PIK3C2G: variants seen among roughly 807,000 people sequenced by gnomAD.
PIK3C2G encodes the protein phosphatidylinositol-4-phosphate 3-kinase catalytic subunit type 2 gamma, also known as phosphatidylinositol 3-kinase C2 domain-containing subunit gamma.
In PIK3C2G, 168 loss-of-function variants were observed where a neutral mutation model predicts 181.1. That is an observed-to-expected ratio of 0.93 (90% confidence interval 0.82 to 1.05). PIK3C2G has a LOEUF of 1.05. Ranked by LOEUF, PIK3C2G falls within the 50% of genes least tolerant of loss-of-function variation. PIK3C2G has a pLI of 0.00. For missense variants in PIK3C2G, 1,869 were observed against 1,732.8 expected (o/e 1.08, Z -1.40); for synonymous variants, 573 against 592.2 (o/e 0.97, Z 0.47).
At chr12:18,434,177 C>T (rs1466158931) in intron 18 of PIK3C2G, among the ~76,000 whole-genome samples, 2 of 152,104 alleles carry the variant, frequency 1.3e-5, no homozygotes, top group African/African-American at 4.8e-5. Context: ...ACTGTTGTTC[C>T]TCATGTTGTA....
chr12:18,420,353 T>C, intron 16 of PIK3C2G, among the ~76,000 whole-genome samples: 1 of 152,112 alleles, frequency 6.6e-6, no homozygotes, highest in East Asian at 1.9e-4. Context: ...AAACATTTAT[T>C]AAGTGCCTAA....
chr12:18,700,042 G>A, the PIK3C2G span: 1 of 1,050,534 alleles, frequency 9.5e-7, no homozygotes, highest in Non-Finnish European at 1.4e-6. Context: ...TCAAACAAAT[G>A]ATTTTCATCT....
intron 16 of PIK3C2G, among the ~76,000 whole-genome samples, chr12:18,408,513 T>C (rs1157538554): frequency 6.6e-6 from 1 of 152,150 alleles, no homozygotes; most frequent in Non-Finnish European, 1.5e-5. Flanking sequence ...TCCAGCTTTG[T>C]TCTTTTTGCT....
At chr12:18,308,238 CA>C (rs554581603) in intron 5 of PIK3C2G, among the ~76,000 whole-genome samples, 142 of 151,894 alleles carry the variant, frequency 9.3e-4, no homozygotes, top group African/African-American at 3.4e-3. Flanking sequence ...CTTTAAAAAA[CA>C]GCAGAGATTT....
chr12:18,565,901 A>G (rs1431000371), intron 28 of PIK3C2G, among the ~76,000 whole-genome samples: 1 of 152,132 alleles, frequency 6.6e-6, no homozygotes, highest in African/African-American at 2.4e-5. Flanking sequence ...ATTTCTCCCA[A>G]AAAAACTATG....
intron 11 of PIK3C2G, among the ~76,000 whole-genome samples, chr12:18,359,872 T>A (rs545335163): frequency 1.6e-3 from 240 of 152,266 alleles, no homozygotes; most frequent in African/African-American, 5.7e-3. Context: ...GTAAGTAGCA[T>A]CTAGTTGGAT....
intron 11 of PIK3C2G, among the ~76,000 whole-genome samples, chr12:18,361,044 T>G (rs1941193278): frequency 1.3e-5 from 2 of 152,156 alleles, no homozygotes. Context: ...GTGCCCATTA[T>G]TCTCTTTGGC....
chr12:18,662,974 C>CAAA, the PIK3C2G span, among the ~76,000 whole-genome samples: 3 of 151,604 alleles, frequency 2.0e-5, no homozygotes, highest in African/African-American at 7.3e-5. Context: ...CATGTAGAAA[C>CAAA]CAAATAGAAA....
At chr12:18,422,062 CAGG>C (rs1241077568) in intron 17 of PIK3C2G, among the ~76,000 whole-genome samples, 2 of 152,042 alleles carry the variant, frequency 1.3e-5, no homozygotes, top group Non-Finnish European at 2.9e-5. Flanking sequence ...GAGCCCAATT[CAGG>C]AGAATACGTT....
At chr12:18,394,749 T>A (rs189573290) in intron 15 of PIK3C2G, among the ~76,000 whole-genome samples, 1 of 151,894 alleles carries the variant, frequency 6.6e-6, no homozygotes, top group East Asian at 1.9e-4. Context: ...TTATCCCCCA[T>A]GTTGAGGTAC....
chr12:18,445,017 A>G (rs1946949125), intron 18 of PIK3C2G, among the ~76,000 whole-genome samples: 2 of 152,136 alleles, frequency 1.3e-5, no homozygotes, highest in Admixed American at 1.3e-4. Flanking sequence ...TAGTTTTTCA[A>G]AAAATTTTAA....
the PIK3C2G span, among the ~76,000 whole-genome samples, chr12:18,665,076 G>A: frequency 1.3e-5 from 2 of 150,900 alleles, no homozygotes; most frequent in Non-Finnish European, 2.9e-5. Flanking sequence ...GTTGATGGGT[G>A]CAGCACAACA....
At chr12:18,591,038 T>C (rs1263331478) in intron 29 of PIK3C2G, among the ~76,000 whole-genome samples, 2 of 151,988 alleles carry the variant, frequency 1.3e-5, no homozygotes, top group African/African-American at 4.8e-5. Context: ...TGACTAGTTG[T>C]CAAAAGGCCA....
At chr12:18,595,785 T>C (rs1020697511) in intron 30 of PIK3C2G, among the ~76,000 whole-genome samples, 3 of 152,080 alleles carry the variant, frequency 2.0e-5, no homozygotes, top group Non-Finnish European at 4.4e-5. Context: ...TTAATAAGTT[T>C]TGAAAAATCA....
chr12:18,698,698 A>G, the PIK3C2G span, among the ~76,000 whole-genome samples: 2 of 152,158 alleles, frequency 1.3e-5, no homozygotes, highest in Non-Finnish European at 2.9e-5. Flanking sequence ...AGATATTTTG[A>G]CAAAGATATA....
intron 18 of PIK3C2G, among the ~76,000 whole-genome samples, chr12:18,457,235 A>G (rs1947677728): frequency 6.6e-6 from 1 of 152,164 alleles, no homozygotes; most frequent in Admixed American, 6.5e-5. Context: ...TATAAAATTG[A>G]TGTTCGCAGA....
intron 24 of PIK3C2G, among the ~76,000 whole-genome samples, chr12:18,523,714 A>C (rs1943055509): frequency 6.6e-6 from 1 of 152,220 alleles, no homozygotes; most frequent in Non-Finnish European, 1.5e-5. Context: ...AGAGTTGGGC[A>C]GGGCCAGATA....
intron 29 of PIK3C2G, among the ~76,000 whole-genome samples, chr12:18,575,654 T>C (rs1946198058): frequency 6.6e-6 from 1 of 152,106 alleles, no homozygotes; most frequent in Non-Finnish European, 1.5e-5. Flanking sequence ...AGAGAAGGCA[T>C]CCCAGATGGT....
At chr12:18,398,250 A>T (rs1203858636) in intron 15 of PIK3C2G, among the ~76,000 whole-genome samples, 1 of 152,240 alleles carries the variant, frequency 6.6e-6, no homozygotes, top group Non-Finnish European at 1.5e-5. Context: ...AAAGAGCTAA[A>T]AAAAAGAAAG....
Sources: allele counts gnomAD v4.1 joint callset (sites outside exome capture counted in the v4.1 genomes callset), GRCh38; gene constraint gnomAD v4.1.1; transcripts MANE v1.5; gene names NCBI Gene and HGNC (gene_info 2026-07-23, HGNC 2026-07-21).